Variants in RETSAT observed in about 807,000 individuals in gnomAD.
RETSAT encodes the protein all-trans-retinol 13,14-reductase.
RETSAT carries 35 observed loss-of-function variants against 61.6 expected under a neutral mutation model. The observed-to-expected ratio is 0.57, with a 90% confidence interval of 0.43 to 0.75. The LOEUF (loss-of-function observed/expected upper bound fraction) is 0.75. RETSAT is among the 30% of genes least tolerant of loss of function. RETSAT has a pLI of 0.00. For missense variants in RETSAT, 670 were observed against 759.5 expected (o/e 0.88, Z 1.38); for synonymous variants, 277 against 310.4 (o/e 0.89, Z 1.13).
In RETSAT at chr2:85,349,384, C is replaced by G. The variant is rs778204911; in HGVS notation, c.997G>C (p.Gly333Arg). 6.2e-7 allele frequency: 1 copy of G among 1,614,012 alleles called. No homozygotes were observed. ...VLLDSAGKAC[G>R]VSVKKGHELV... is the part of the protein sequence containing the mutation. Reference sequence around the variant, plus strand: ...GGGCAGGGCGGGGCAGGGCTCTCACCACAGGCTTTCCCAGCTGAGTCCAGC... The same window carrying G: ...GGGCAGGGCGGGGCAGGGCTCTCACGACAGGCTTTCCCAGCTGAGTCCAGC... Residue 333 changes from glycine to arginine, a missense_variant and splice_region_variant, in exon 5 of 11, where the codon GGT becomes CGT. By Grantham distance (125) the Gly-to-Arg change is moderately radical. Transcript: ENST00000295802.
intron 5 of RETSAT, among the ~76,000 whole-genome samples, chr2:85,346,999 T>G (rs1388106508): frequency 2.6e-5 from 4 of 152,134 alleles, no homozygotes; most frequent in African/African-American, 7.2e-5. Flanking sequence ...TTTCTTATTG[T>G]TCGACCTAAT....
chr2:85,352,000 A>G, intron 1 of RETSAT, 138 bp from the exon 2 acceptor site: 1 of 736,852 alleles, frequency 1.4e-6, no homozygotes, highest in Non-Finnish European at 2.2e-6. Context: ...CTCTTGACTA[A>G]CATGTTTCAA....
chr2:85,353,147 TCTA>T (rs1683340175), intron 1 of RETSAT, among the ~76,000 whole-genome samples: 1 of 152,260 alleles, frequency 6.6e-6, no homozygotes, highest in Non-Finnish European at 1.5e-5. Context: ...TATTTTCTAT[TCTA>T]CTGCATTCTA....
At chr2:85,343,947 G>A in intron 9 of RETSAT, 52 bp downstream of exon 9, 12 of 1,603,292 alleles carry the variant, frequency 7.5e-6, no homozygotes, top group South Asian at 5.6e-5. Context: ...CAAGGAAAGG[G>A]CAGAAACAGC....
At chr2:85,349,340 C>T in intron 5 of RETSAT, 44 bp downstream of exon 5, 1 of 1,606,920 alleles carries the variant, frequency 6.2e-7, no homozygotes, top group East Asian at 2.2e-5. Context: ...CTCGCCCACA[C>T]CAACCCAGGG....
At position 85,344,582 on chromosome 2, in the gene RETSAT, C is replaced by T. The variant is rs754875138; in HGVS notation, c.1256+12G>A. ...CACGGGCCACACACATACACACACA[C>T]GTGCACCTTACGCCTGGTCCATGTC... On this transcript the variant is annotated intron_variant, in intron 7 of 10. Coordinates refer to ENST00000295802, the MANE Select transcript of RETSAT (RefSeq NM_017750.4). 77 of 1,613,654 alleles carry T rather than the reference C, an allele frequency of 4.8e-5. No individual in the cohort carries two copies. Among genetic ancestry groups the T allele is most frequent in the South Asian group, 1.1e-4 (10 of 91,058 alleles).
intron 6 of RETSAT, among the ~76,000 whole-genome samples, chr2:85,345,348 C>T (rs947281558): frequency 6.6e-6 from 1 of 152,208 alleles, no homozygotes; most frequent in African/African-American, 2.4e-5. Flanking sequence ...TTCCCCGGCT[C>T]CTCAGGGAGC....
chr2:85,353,379 AG>A (rs1383324604), intron 1 of RETSAT, among the ~76,000 whole-genome samples: 1 of 152,256 alleles, frequency 6.6e-6, no homozygotes, highest in Non-Finnish European at 1.5e-5. Flanking sequence ...AGTTGCGGTG[AG>A]CGGAGATCGC....
At chr2:85,348,267 C>T (rs941380288) in intron 5 of RETSAT, among the ~76,000 whole-genome samples, 3 of 152,146 alleles carry the variant, frequency 2.0e-5, no homozygotes, top group African/African-American at 7.2e-5. Context: ...GGCCACTGAA[C>T]AGCATTTATT....
chr2:85,352,475 C>T (rs1656165670), intron 1 of RETSAT, among the ~76,000 whole-genome samples: 2 of 152,086 alleles, frequency 1.3e-5, no homozygotes, highest in Admixed American at 1.3e-4. Flanking sequence ...TGGTCTCGAT[C>T]TCCTGACCTC....
chr2:85,345,810 C>T, intron 6 of RETSAT, 165 bp downstream of exon 6: 1 of 858,388 alleles, frequency 1.2e-6, no homozygotes, highest in Non-Finnish European at 2.0e-6. Context: ...ACATTAAATG[C>T]TAGGGTTAGG....
intron 5 of RETSAT, 63 bp from the exon 6 acceptor site, chr2:85,346,157 C>T: frequency 2.6e-6 from 4 of 1,563,336 alleles, no homozygotes; most frequent in Non-Finnish European, 3.5e-6. Flanking sequence ...AGGCCCACGG[C>T]CCCCATGGAT....
chr2:85,346,034 T>A lies in RETSAT; in HGVS notation c.1058A>T (p.Asn353Ile), dbSNP rs745909771. Residue 353 changes from asparagine to isoleucine, a missense_variant, in exon 6 of 11, where the codon AAC (asparagine) becomes ATC (isoleucine). Asn to Ile is a moderately radical substitution (Grantham distance 149). Transcript: ENST00000295802. ...VNIYCPIVVS[N>I]AGLFNTYEHL... ...TTCATAGGTGTTGAACAGTCCTGCG[T>A]TGGAGACCACGATGGGGCAATAGAT... 6.2e-7 allele frequency: 1 copy of A among 1,614,174 alleles called. No individual in the cohort carries two copies. The highest frequency in any genetic ancestry group is 8.5e-7 in the Non-Finnish European group (1 of 1,180,010).
At chr2:85,351,067 G>A (rs771641017) in intron 2 of RETSAT, 46 bp from the exon 3 acceptor site, 1 of 1,607,862 alleles carries the variant, frequency 6.2e-7, no homozygotes, top group East Asian at 2.2e-5. Context: ...TATGGGGATT[G>A]AGCCCTGGAA....
intron 5 of RETSAT, among the ~76,000 whole-genome samples, chr2:85,349,027 A>T (rs150186091): frequency 6.8e-6 from 1 of 148,080 alleles, no homozygotes; most frequent in Non-Finnish European, 1.5e-5. Context: ...GGGATTACAG[A>T]CGTGAGCCAC....
chr2:85,354,118 C>T (rs1477146196), intron 1 of RETSAT, among the ~76,000 whole-genome samples: 1 of 152,218 alleles, frequency 6.6e-6, no homozygotes, highest in African/African-American at 2.4e-5. Context: ...ATGACCACAC[C>T]CTTGGGACTA....
chr2:85,343,179 T>C lies in RETSAT; in HGVS notation c.*63A>G, dbSNP rs1315027132. On this transcript the variant is annotated 3_prime_UTR_variant, in exon 11 of 11. Transcript: ENST00000295802. ...AAGGAACTAATGCAGAAAGACATTA[T>C]GGGTAAGTCAAGGGAGATGCCCCAG... 4 of 1,591,756 alleles carry C rather than the reference T, an allele frequency of 2.5e-6. No individual in the cohort carries two copies. The highest frequency in any genetic ancestry group is 2.7e-5 in the African/African-American group (2 of 74,382).
rs1346738226 is a variant in RETSAT, at chr2:85,342,015, A to G, written c.*1227T>C. The G allele has an allele frequency of 4.5e-5, 23 of 510,914 alleles. No individual in the cohort carries two copies. In the East Asian group the frequency reaches 6.8e-4, roughly 15 times the overall value. The allele number at this position is 510,914 out of a possible 1,614,324, so 31.6% of individuals were successfully genotyped here. ...CTTATTTTGGTGTTATTCAGTATAT[A>G]GTGTTTTACTGAGCTTCTGCAAATG... On this transcript the variant is annotated 3_prime_UTR_variant, in exon 11 of 11. Transcript: ENST00000295802.
intron 5 of RETSAT, among the ~76,000 whole-genome samples, chr2:85,348,745 T>C (rs1275778210): frequency 6.6e-6 from 1 of 151,830 alleles, no homozygotes; most frequent in Non-Finnish European, 1.5e-5. Flanking sequence ...TTTATTTTTC[T>C]TTTCTTTTCC....
Sources: gnomAD v4.1 joint callset for allele counts (sites outside exome capture counted in the v4.1 genomes callset) on GRCh38, gnomAD v4.1.1 for gene constraint, MANE v1.5 for transcripts, NCBI Gene and HGNC (gene_info 2026-07-23, HGNC 2026-07-21) for gene names.